KMT2C: variants seen among roughly 807,000 people sequenced by gnomAD.
KMT2C encodes histone-lysine N-methyltransferase 2C.
KMT2C carries 88 observed loss-of-function variants against 507.9 expected under a neutral mutation model. The observed-to-expected ratio is 0.17, with a 90% CI of 0.15 to 0.21. The LOEUF (loss-of-function observed/expected upper bound fraction) is 0.21. Ranked by LOEUF, KMT2C falls within the 10% of genes least tolerant of loss-of-function variation. KMT2C has a pLI of 1.00. For synonymous variants in KMT2C, 2,049 were observed against 2,080.8 expected, an observed-to-expected ratio of 0.98 and a Z score of 0.42; for missense variants, 4,954 against 5,957.8, an observed-to-expected ratio of 0.83 and a Z score of 5.55.
intron 14 of KMT2C, among the ~76,000 whole-genome samples, chr7:152,244,733 C>CA (rs1400034182): frequency 2.6e-5 from 4 of 151,976 alleles, no homozygotes; most frequent in East Asian, 1.9e-4. Context: ...GGCAAGAAAA[C>CA]AAAAAACAAA....
At chr7:152,393,298 A>C (rs887487665) in intron 1 of KMT2C, among the ~76,000 whole-genome samples, 8 of 152,230 alleles carry the variant, frequency 5.3e-5, no homozygotes, top group Non-Finnish European at 1.2e-4. Flanking sequence ...TTATTTCAAA[A>C]TTAGAAAACT....
intron 1 of KMT2C, among the ~76,000 whole-genome samples, chr7:152,390,752 T>C: frequency 6.6e-6 from 1 of 152,174 alleles, no homozygotes; most frequent in East Asian, 1.9e-4. Flanking sequence ...AAGGACCATG[T>C]GTGTTTAACA....
intron 1 of KMT2C, among the ~76,000 whole-genome samples, chr7:152,379,354 A>G (rs993552925): frequency 7.9e-5 from 12 of 152,130 alleles, no homozygotes; most frequent in Admixed American, 7.9e-4. Flanking sequence ...CCTGGTCAAC[A>G]TGGTGAAACC....
intron 2 of KMT2C, among the ~76,000 whole-genome samples, chr7:152,357,013 A>C (rs942834694): frequency 4.0e-5 from 6 of 149,814 alleles, no homozygotes; most frequent in African/African-American, 1.5e-4. Context: ...GGATCACCTG[A>C]GGTCAGGAGT....
chr7:152,421,957 A>ATGAC (rs35381791), intron 1 of KMT2C, among the ~76,000 whole-genome samples: 9,243 of 152,218 alleles, frequency 0.061, 516 homozygotes, highest in African/African-American at 0.15. Flanking sequence ...TATGGAATGA[A>ATGAC]TGTAGGACAT....
intron 6 of KMT2C, among the ~76,000 whole-genome samples, chr7:152,291,329 C>T (rs199577873): frequency 1.5e-4 from 22 of 142,762 alleles, no homozygotes; most frequent in East Asian, 6.3e-4. Context: ...TGATGAAGTC[C>T]ACAAATGCAA....
At chr7:152,396,418 G>A (rs2097538511) in intron 1 of KMT2C, among the ~76,000 whole-genome samples, 1 of 152,132 alleles carries the variant, frequency 6.6e-6, no homozygotes, top group South Asian at 2.1e-4. Flanking sequence ...AATTAATATA[G>A]TACGTGTAAA....
chr7:152,155,817 G>C, intron 46 of KMT2C, 93 bp downstream of exon 46: 1 of 1,194,154 alleles, frequency 8.4e-7, no homozygotes, highest in Non-Finnish European at 1.2e-6. Context: ...GTTTTTACAT[G>C]CTATTCCTAA....
chr7:152,289,458 T>C (rs945186813), intron 6 of KMT2C, among the ~76,000 whole-genome samples: 2 of 152,260 alleles, frequency 1.3e-5, no homozygotes, highest in Non-Finnish European at 2.9e-5. Flanking sequence ...CACCATAGTT[T>C]TTCTTGAGGA....
chr7:152,275,090 TACAGTAGTTAA>T (rs2096057767), intron 6 of KMT2C, among the ~76,000 whole-genome samples: 1 of 152,226 alleles, frequency 6.6e-6, no homozygotes, highest in Non-Finnish European at 1.5e-5. Context: ...AACCAGGGAC[TACAGTAGTTAA>T]AATTATAATT....
chr7:152,208,703 A>C (rs2094372490), intron 23 of KMT2C, among the ~76,000 whole-genome samples: 1 of 152,234 alleles, frequency 6.6e-6, no homozygotes, highest in Non-Finnish European at 1.5e-5. Context: ...ATACATTTTA[A>C]AATCAAGTTG....
rs2092547643 is a variant in KMT2C, at chr7:152,163,183, G to A, written c.10394C>T (p.Pro3465Leu). Residue 3465 changes from proline to leucine, a missense_variant, in exon 43 of 59, where the codon CCT becomes CTT. Physicochemically the swap from Pro to Leu is moderately conservative, Grantham distance 98 (BLOSUM62 -3). Around this residue, in one of 29 missense-constraint regions of KMT2C, gnomAD observed 801 missense variants for 751.2 expected, o/e 1.07. Transcript: ENST00000262189. The part of the protein sequence containing the change: ...SSDLPCDFMQ[P>L]LGPLQQSPQH... ...TGGAGACTGCTGAAGGGGTCCTAGAGGTTGCATAAAATCACAAGGTAAGTC... is the reference window on the plus strand; with the variant it reads ...TGGAGACTGCTGAAGGGGTCCTAGAAGTTGCATAAAATCACAAGGTAAGTC... 1 of 1,614,142 alleles carries A rather than the reference G, an allele frequency of 6.2e-7. No homozygotes were observed. The highest frequency in any genetic ancestry group is 8.5e-7 in the Non-Finnish European group (1 of 1,180,012).
At chr7:152,415,946 G>A (rs2097731062) in intron 1 of KMT2C, among the ~76,000 whole-genome samples, 1 of 152,214 alleles carries the variant, frequency 6.6e-6, no homozygotes, top group East Asian at 1.9e-4. Flanking sequence ...TAAAAGCTTA[G>A]AACTACTTTT....
At chr7:152,281,743 C>CAA (rs144376346) in intron 6 of KMT2C, among the ~76,000 whole-genome samples, 1 of 134,560 alleles carries the variant, frequency 7.4e-6, no homozygotes, top group African/African-American at 2.7e-5. Context: ...AAAACAAAAA[C>CAA]AAAAAAAAAA....
At chr7:152,151,634 G>T (rs2091627804) in intron 49 of KMT2C, 53 bp from the exon 50 acceptor site, 2 of 1,519,168 alleles carry the variant, frequency 1.3e-6, no homozygotes, top group Middle Eastern at 1.7e-4. Context: ...GACACAAGGT[G>T]GCACATGGTG....
chr7:152,222,692 C>T lies in KMT2C; in HGVS notation c.3324-10G>A, dbSNP rs369269540. The T allele has an allele frequency of 2.5e-5, 37 of 1,491,766 alleles. No homozygotes were observed. The highest frequency in any genetic ancestry group is 1.7e-5 in the Admixed American group (1 of 59,576). The allele number at this position is 1,491,766 out of a possible 1,614,324, so 92.4% of individuals were successfully genotyped here. On this transcript the variant is annotated splice_polypyrimidine_tract_variant and intron_variant, in intron 20 of 58. Transcript: ENST00000262189. Reference sequence around the variant, plus strand: ...AACTGCATGCATCCATCTAAAAAGACCATATTTGTACATTTTTTTTAAAAA... The same window carrying T: ...AACTGCATGCATCCATCTAAAAAGATCATATTTGTACATTTTTTTTAAAAA...
chr7:152,181,451 T>C lies in KMT2C; in HGVS notation c.6409A>G (p.Thr2137Ala), dbSNP rs1335575879. The C allele has an allele frequency of 1.2e-6, 2 of 1,613,942 alleles. No individual in the cohort carries two copies. Among genetic ancestry groups the C allele is most frequent in the Admixed American group, 1.7e-5 (1 of 59,986 alleles). The change falls in exon 36 of 59, where the codon ACT becomes GCT. Residue 2137 changes from threonine (T) to alanine (A), a missense_variant. Thr to Ala is a moderately conservative substitution (Grantham distance 58). This residue lies in a region of KMT2C where 1,689 missense variants were observed against 1,654.3 expected (regional missense o/e 1.02). Transcript: ENST00000262189. ...SQDPYSQPPG[T>A]PRPVVDSYSQ... ...TAAGAATCTACAACAGGTCGTGGAG[T>C]TCCTGGGGGTTGGGAGTATGGGTCC...
chr7:152,193,175 A>G (rs1189308494), intron 31 of KMT2C, among the ~76,000 whole-genome samples: 1 of 152,144 alleles, frequency 6.6e-6, no homozygotes, highest in African/African-American at 2.4e-5. Flanking sequence ...GACCGTTTCA[A>G]AACAAAACAA....
rs561700475 is a variant in KMT2C, at chr7:152,421,060, A to C, written c.161+14566T>G. Reference sequence around the variant, plus strand: ...AATAAAAAAAAAACAAGCAAAAAACAACCCCATTTAAAAATGGGCAAAGGG... The same window carrying C: ...AATAAAAAAAAAACAAGCAAAAAACCACCCCATTTAAAAATGGGCAAAGGG... On this transcript the variant is annotated intron_variant, in intron 1 of 58. Coordinates refer to ENST00000262189, the MANE Select transcript of KMT2C (RefSeq NM_170606.3). Among the ~76,000 whole-genome samples the C allele has an allele frequency of 7.2e-5, 11 of 152,178 alleles. No individual in the cohort carries two copies. The South Asian group carries it at 2.3e-3, about 32-fold the overall frequency.
Sources: allele counts gnomAD v4.1 joint callset (sites outside exome capture counted in the v4.1 genomes callset), GRCh38; gene constraint gnomAD v4.1.1; regional missense constraint gnomAD v4.1.1; transcripts MANE v1.5; gene names NCBI Gene and HGNC (gene_info 2026-07-23, HGNC 2026-07-21).